The following MAOA variants were observed in gnomAD, a reference collection of about 807,000 sequenced individuals.
The protein encoded by MAOA is monoamine oxidase A, also known as amine oxidase [flavin-containing] A.
A neutral mutation model predicts 42.0 loss-of-function variants in MAOA; 6 were observed. The observed-to-expected ratio is 0.14, with a 90% CI of 0.08 to 0.28. The LOEUF is 0.28. Among genes scored for constraint, MAOA ranks in the 10% least tolerant of loss-of-function variants. The pLI is 1.00. For missense variants in MAOA, 262 were observed against 422.3 expected, an observed-to-expected ratio of 0.62 and a Z score of 3.33; for synonymous variants, 140 against 154.0, an observed-to-expected ratio of 0.91 and a Z score of 0.67.
intron 1 of MAOA, among the ~76,000 whole-genome samples, chrX:43,659,587 G>T (rs745679280): frequency 2.7e-5 from 3 of 110,976 alleles, no homozygotes; most frequent in African/African-American, 9.9e-5. Context: ...GACTTCAGCT[G>T]TCCCTTATCT....
chrX:43,671,266 T>C (rs2033331394), intron 1 of MAOA, among the ~76,000 whole-genome samples: 1 of 106,306 alleles, frequency 9.4e-6, no homozygotes, highest in African/African-American at 3.5e-5. Flanking sequence ...GTTCATGTCC[T>C]TCACCCACTT....
Position 43,664,597 on chromosome X carries a change from A to T in MAOA, c.73+8183A>T, listed in dbSNP as rs190884011. Among the ~76,000 whole-genome samples, 398 of 112,204 alleles carry T rather than the reference A, an allele frequency of 3.5e-3. 1 individual carries two copies. In the Middle Eastern group the frequency reaches 0.037, roughly 10 times the overall value. ...GGATAAATTCTGAAATGTAATGAAGATGACCTTTAAGGTGACCGTTTCCAG... is the reference window on the plus strand; with the variant it reads ...GGATAAATTCTGAAATGTAATGAAGTTGACCTTTAAGGTGACCGTTTCCAG... On this transcript the variant is annotated intron_variant, in intron 1 of 14. Transcript: ENST00000338702.
intron 2 of MAOA, among the ~76,000 whole-genome samples, 162 bp downstream of exon 2, chrX:43,683,769 TTTAACATG>T (rs2033462513): frequency 9.0e-6 from 1 of 111,662 alleles, no homozygotes; most frequent in African/African-American, 3.3e-5. Context: ...GTCCATTCTC[TTTAACATG>T]TACGCACTGA....
intron 5 of MAOA, among the ~76,000 whole-genome samples, chrX:43,721,285 G>A (rs2033786621): frequency 9.0e-6 from 1 of 111,394 alleles, no homozygotes; most frequent in Non-Finnish European, 1.9e-5. Context: ...AAGGATATTG[G>A]CATGTTTGAG....
In MAOA at chrX:43,745,047, G is replaced by T. The variant is rs148377725; in HGVS notation, c.*534G>T. The T allele has an allele frequency of 6.5e-4, 89 of 137,966 alleles. No homozygotes were observed. Among genetic ancestry groups the T allele is most frequent in the African/African-American group, 2.5e-3 (79 of 31,589 alleles). The allele number at this position is 137,966 out of a possible 1,213,427, so 11.4% of individuals were successfully genotyped here. On this transcript the variant is annotated 3_prime_UTR_variant, in exon 15 of 15. Coordinates refer to ENST00000338702, the MANE Select transcript of MAOA (RefSeq NM_000240.4). Reference sequence around the variant, plus strand: ...ATAGTAAAGGAAAGCAGTGTTGGGGGTAGCGGCATGCAGACCCTCAGACCA... The same window carrying T: ...ATAGTAAAGGAAAGCAGTGTTGGGGTTAGCGGCATGCAGACCCTCAGACCA...
intron 2 of MAOA, among the ~76,000 whole-genome samples, chrX:43,690,545 G>A (rs1389873137): frequency 9.0e-6 from 1 of 110,960 alleles, no homozygotes; most frequent in African/African-American, 3.3e-5. Flanking sequence ...TGCCTTGTTT[G>A]CATGTATGTT....
intron 1 of MAOA, among the ~76,000 whole-genome samples, chrX:43,663,155 C>T (rs1356184332): frequency 1.8e-5 from 2 of 111,070 alleles, no homozygotes; most frequent in Admixed American, 9.7e-5. Flanking sequence ...CTTGGACCCT[C>T]CTCAACGTTT....
intron 1 of MAOA, among the ~76,000 whole-genome samples, chrX:43,668,244 T>C (rs2147072653): frequency 8.9e-6 from 1 of 112,592 alleles, no homozygotes; most frequent in Non-Finnish European, 1.9e-5. Flanking sequence ...GATTGAACAA[T>C]TTTTCATTGA....
intron 3 of MAOA, among the ~76,000 whole-genome samples, chrX:43,708,688 A>G (rs2033676672): frequency 9.7e-6 from 1 of 102,751 alleles, no homozygotes; most frequent in Non-Finnish European, 2.0e-5. Flanking sequence ...CTTTTGAGAC[A>G]GTCTCGCACT....
intron 5 of MAOA, among the ~76,000 whole-genome samples, chrX:43,720,554 T>G (rs776319919): frequency 1.8e-5 from 2 of 109,805 alleles, no homozygotes; most frequent in African/African-American, 6.7e-5. Flanking sequence ...CACGAGGGCT[T>G]GAGGGGAGAC....
chrX:43,691,797 G>A (rs1331451438), intron 2 of MAOA, among the ~76,000 whole-genome samples: 1 of 111,271 alleles, frequency 9.0e-6, no homozygotes, highest in Non-Finnish European at 1.9e-5. Flanking sequence ...GAGAATCATA[G>A]GCCAGTCTCA....
rs754411793 is a variant in MAOA, at chrX:43,731,285, A to G, written c.690A>G (p.Ile230Met). Reference protein sequence around the residue: ...VGGSGQVSERIMDLLGDQVKL... With the variant: ...VGGSGQVSERMMDLLGDQVKL... ...GATCTGGTCAAGTGAGCGAACGGAT[A>G]ATGGACCTCCTCGGAGACCAAGTGA... Residue 230 changes from isoleucine to methionine, a missense_variant, in exon 7 of 15, where the codon ATA (isoleucine) becomes ATG (methionine). Ile to Met is a conservative substitution (Grantham distance 10). Coordinates refer to ENST00000338702, the MANE Select transcript of MAOA (RefSeq NM_000240.4). The G allele has an allele frequency of 1.6e-5, 19 of 1,209,970 alleles. No homozygotes were observed. The highest frequency in any genetic ancestry group is 2.1e-5 in the Non-Finnish European group (19 of 893,699).
chrX:43,731,327 C>T lies in MAOA; in HGVS notation c.732C>T (p.Val244=), dbSNP rs980804164. 7 of 1,208,773 alleles carry T rather than the reference C, an allele frequency of 5.8e-6. No homozygotes were observed. Among genetic ancestry groups the T allele is most frequent in the South Asian group, 1.8e-5 (1 of 56,928 alleles). Residue 244 remains valine (V), a synonymous_variant, in exon 7 of 15, where the codon GTC becomes GTT. Transcript: ENST00000338702. ...LGDQVKLNHP[V]THVDQSSDNI... is the part of the protein sequence containing the mutation. ...ACCAAGTGAAGCTGAACCATCCTGT[C>T]ACTCACGTTGACCAGTCAAGTGACA...
intron 12 of MAOA, 54 bp downstream of exon 12, chrX:43,742,101 G>T: frequency 8.3e-7 from 1 of 1,203,744 alleles, no homozygotes; most frequent in Non-Finnish European, 1.1e-6. Flanking sequence ...AATTTAAAAG[G>T]AAAAGCAGAG....
chrX:43,721,435 C>G (rs895667280), intron 5 of MAOA, among the ~76,000 whole-genome samples: 1 of 111,229 alleles, frequency 9.0e-6, no homozygotes, highest in Admixed American at 9.6e-5. Context: ...CACTGAAGAT[C>G]GTTGAAAGGT....
At chrX:43,707,904 A>G (rs1381152973) in intron 3 of MAOA, among the ~76,000 whole-genome samples, 1 of 112,132 alleles carries the variant, frequency 8.9e-6, no homozygotes, top group East Asian at 2.8e-4. Flanking sequence ...ATATAAAAGT[A>G]CAGAGAGATC....
At chrX:43,678,140 A>G (rs1259488524) in intron 1 of MAOA, among the ~76,000 whole-genome samples, 1 of 111,443 alleles carries the variant, frequency 9.0e-6, no homozygotes, top group African/African-American at 3.3e-5. Flanking sequence ...TGGAAATCTA[A>G]ATGCTGTGAA....
chrX:43,703,019 G>A (rs2033635373), intron 3 of MAOA, among the ~76,000 whole-genome samples: 2 of 109,611 alleles, frequency 1.8e-5, no homozygotes, highest in South Asian at 3.9e-4. Context: ...TCCACCAGTC[G>A]AGTAGTCCTG....
At chrX:43,704,266 A>G (rs1176206175) in intron 3 of MAOA, among the ~76,000 whole-genome samples, 1 of 111,592 alleles carries the variant, frequency 9.0e-6, no homozygotes, top group Non-Finnish European at 1.9e-5. Context: ...ATCTAGCAAT[A>G]TATTAAAAGG....
Sources: gnomAD v4.1 joint callset for allele counts (sites outside exome capture counted in the v4.1 genomes callset) on GRCh38, gnomAD v4.1.1 for gene constraint, MANE v1.5 for transcripts, NCBI Gene and HGNC (gene_info 2026-07-23, HGNC 2026-07-21) for gene names.